The following STARD3NL variants were observed in gnomAD, a reference collection of about 807,000 sequenced individuals.
The protein encoded by STARD3NL is STARD3 N-terminal-like protein.
STARD3NL carries 17 observed loss-of-function variants against 30.9 expected under a neutral mutation model. The observed-to-expected ratio is 0.55, with a 90% CI of 0.38 to 0.82. The LOEUF (loss-of-function observed/expected upper bound fraction) is 0.82, where lower values mean the gene tolerates loss of function less well. Among genes scored for constraint, STARD3NL ranks in the 40% least tolerant of loss-of-function variants. STARD3NL has a pLI of 0.00. For synonymous variants in STARD3NL, 112 were observed against 100.5 expected, an observed-to-expected ratio of 1.11 and a Z score of -0.69; for missense variants, 234 against 277.6, an observed-to-expected ratio of 0.84 and a Z score of 1.12.
intron 1 of STARD3NL, among the ~76,000 whole-genome samples, chr7:38,196,876 G>A (rs185374616): frequency 6.6e-5 from 10 of 152,168 alleles, no homozygotes; most frequent in African/African-American, 2.4e-4. Flanking sequence ...TTTTTTTCTG[G>A]ACATTGTATT....
At position 38,219,554 on chromosome 7, in the gene STARD3NL, T is replaced by A. The variant is rs1357733742; in HGVS notation, c.554-11T>A. On this transcript the variant is annotated splice_polypyrimidine_tract_variant and intron_variant, in intron 6 of 8. Coordinates refer to ENST00000009041, the MANE Select transcript of STARD3NL (RefSeq NM_032016.4). ...ACCTCATTCCCAACATCTGAATTTCTTCTCTTCCAGGACTCCTGATAGTTC... is the reference window on the plus strand; with the variant it reads ...ACCTCATTCCCAACATCTGAATTTCATCTCTTCCAGGACTCCTGATAGTTC... The A allele has an allele frequency of 6.3e-7, 1 of 1,576,652 alleles. No homozygotes were observed. The highest frequency in any genetic ancestry group is 1.1e-5 in the South Asian group (1 of 87,394).
chr7:38,183,869 C>T (rs567968382), intron 1 of STARD3NL, among the ~76,000 whole-genome samples: 11 of 152,180 alleles, frequency 7.2e-5, no homozygotes, highest in African/African-American at 2.2e-4. Context: ...TATAATATAC[C>T]AAGGGAGGAC....
chr7:38,220,832 A>G (rs536532312), intron 7 of STARD3NL, among the ~76,000 whole-genome samples: 1 of 152,334 alleles, frequency 6.6e-6, no homozygotes, highest in Admixed American at 6.5e-5. Flanking sequence ...AGCTGGGCAC[A>G]GTGGCTCATG....
At chr7:38,218,529 A>G (rs1035672767) in intron 6 of STARD3NL, among the ~76,000 whole-genome samples, 2 of 152,224 alleles carry the variant, frequency 1.3e-5, no homozygotes, top group African/African-American at 4.8e-5. Context: ...CATATGAACT[A>G]TTACTATGAC....
chr7:38,193,207 GTGCATGCTTT>G (rs1246766871), intron 1 of STARD3NL, among the ~76,000 whole-genome samples: 3 of 152,124 alleles, frequency 2.0e-5, no homozygotes, highest in Non-Finnish European at 4.4e-5. Flanking sequence ...AGTTGTGTTC[GTGCATGCTTT>G]TGAAATGCAG....
At chr7:38,194,617 T>C (rs1299579908) in intron 1 of STARD3NL, among the ~76,000 whole-genome samples, 2 of 152,182 alleles carry the variant, frequency 1.3e-5, no homozygotes, top group Non-Finnish European at 2.9e-5. Flanking sequence ...GTCATTTTTT[T>C]CCAATAGTTT....
intron 1 of STARD3NL, among the ~76,000 whole-genome samples, chr7:38,195,648 T>G (rs549683186): frequency 7.9e-5 from 12 of 152,340 alleles, no homozygotes; most frequent in Non-Finnish European, 1.3e-4. Flanking sequence ...GGAAAATTAT[T>G]GATAATTACC....
At chr7:38,226,278 A>G (rs1409021696) in intron 7 of STARD3NL, among the ~76,000 whole-genome samples, 1 of 141,866 alleles carries the variant, frequency 7.0e-6, no homozygotes, top group Non-Finnish European at 1.5e-5. Context: ...ATATCTTTAT[A>G]TAGCTGTGCT....
At chr7:38,220,418 A>G (rs1423369637) in intron 7 of STARD3NL, among the ~76,000 whole-genome samples, 1 of 152,252 alleles carries the variant, frequency 6.6e-6, no homozygotes, top group Non-Finnish European at 1.5e-5. Context: ...AATCAGAACC[A>G]CAACAAGATA....
At chr7:38,216,773 A>T (rs1198625458) in intron 4 of STARD3NL, 17 of 511,592 alleles carry the variant, frequency 3.3e-5, no homozygotes, top group African/African-American at 3.2e-4. Context: ...GTTACCTAGC[A>T]CACCAGCCTG....
chr7:38,187,276 A>G (rs1355015387), intron 1 of STARD3NL, among the ~76,000 whole-genome samples: 1 of 152,238 alleles, frequency 6.6e-6, no homozygotes, highest in Non-Finnish European at 1.5e-5. Context: ...CCTGTAGTCT[A>G]TGGAACAACT....
intron 1 of STARD3NL, among the ~76,000 whole-genome samples, chr7:38,188,114 C>T (rs1282398939): frequency 6.6e-6 from 1 of 152,210 alleles, no homozygotes; most frequent in Non-Finnish European, 1.5e-5. Flanking sequence ...AAAACTTAAG[C>T]TACATTATTT....
chr7:38,201,714 G>GCA (rs1785187231), intron 1 of STARD3NL: 1 of 149,658 alleles, frequency 6.7e-6, no homozygotes, highest in Non-Finnish European at 1.5e-5. Flanking sequence ...TTTGAGACAG[G>GCA]GTCTTACTCT....
intron 1 of STARD3NL, among the ~76,000 whole-genome samples, chr7:38,188,778 C>G (rs1784565067): frequency 6.6e-6 from 1 of 152,134 alleles, no homozygotes; most frequent in East Asian, 1.9e-4. Flanking sequence ...ATATTTATCT[C>G]TGCATTACAT....
rs58332866 is a variant in STARD3NL at position 38,193,282 on chromosome 7, T to TTTGTTGTTG, written c.-58-14144_-58-14136dup. 1.1e-4 allele frequency among the ~76,000 whole-genome samples: 16 copies of TTTGTTGTTG among 150,520 alleles called. No individual in the cohort carries two copies. In the East Asian group the frequency reaches 2.2e-3, roughly 20 times the overall value. On this transcript the variant is annotated intron_variant, in intron 1 of 8. Coordinates refer to ENST00000009041, the MANE Select transcript of STARD3NL (RefSeq NM_032016.4). The stretch of plus-strand genomic sequence containing the variant: ...TCTGTCCTCCTATTAGGATTAGTTT[T>TTTGTTGTTG]TTGTTGTTGTTGTTGTTGTTGTTGT...
At chr7:38,211,017 A>G (rs1785768896) in intron 2 of STARD3NL, among the ~76,000 whole-genome samples, 1 of 152,178 alleles carries the variant, frequency 6.6e-6, no homozygotes, top group African/African-American at 2.4e-5. Flanking sequence ...AAATGGAAAG[A>G]TGTATACAGC....
At chr7:38,196,153 A>G (rs1021354023) in intron 1 of STARD3NL, among the ~76,000 whole-genome samples, 2 of 152,220 alleles carry the variant, frequency 1.3e-5, no homozygotes, top group African/African-American at 4.8e-5. Flanking sequence ...GGAATTAGAA[A>G]AAGGATGTGG....
intron 4 of STARD3NL, 36 bp from the exon 5 acceptor site, chr7:38,216,989 C>T: frequency 6.2e-7 from 1 of 1,610,650 alleles, no homozygotes; most frequent in Non-Finnish European, 8.5e-7. Flanking sequence ...GTGTGAGATG[C>T]CTAGTGTGAA....
intron 7 of STARD3NL, among the ~76,000 whole-genome samples, chr7:38,220,422 C>A (rs1254151990): frequency 6.6e-6 from 1 of 152,196 alleles, no homozygotes; most frequent in Non-Finnish European, 1.5e-5. Context: ...AGAACCACAA[C>A]AAGATACCGC....
Sources: gnomAD v4.1 joint callset for allele counts (sites outside exome capture counted in the v4.1 genomes callset) on GRCh38, gnomAD v4.1.1 for gene constraint, MANE v1.5 for transcripts, NCBI Gene and HGNC (gene_info 2026-07-23, HGNC 2026-07-21) for gene names.